MAP3K5: variants seen among roughly 807,000 people sequenced by gnomAD.
The protein encoded by MAP3K5 is ASK-1.
A neutral mutation model predicts 158.7 loss-of-function variants in MAP3K5; 56 were observed. The ratio of observed to expected loss-of-function variants is 0.35; its 90% CI spans 0.28 to 0.44. The LOEUF is 0.44. MAP3K5 is among the 20% of genes least tolerant of loss of function. The pLI is 1.00. For synonymous variants in MAP3K5, 579 were observed against 601.7 expected, an observed-to-expected ratio of 0.96 and a Z score of 0.55; for missense variants, 1,294 against 1,674.8, an observed-to-expected ratio of 0.77 and a Z score of 3.97.
chr6:136,736,613 A>G (rs1276429084), intron 1 of MAP3K5, among the ~76,000 whole-genome samples: 2 of 152,216 alleles, frequency 1.3e-5, no homozygotes, highest in African/African-American at 2.4e-5. Context: ...GACTATAATG[A>G]AAGAGTCTGG....
chr6:136,704,495 T>C (rs1434398101), intron 3 of MAP3K5, among the ~76,000 whole-genome samples: 1 of 152,196 alleles, frequency 6.6e-6, no homozygotes, highest in African/African-American at 2.4e-5. Flanking sequence ...TAGGCTGCTT[T>C]AGTGCCACTC....
At chr6:136,761,000 G>C (rs1289165358) in intron 1 of MAP3K5, among the ~76,000 whole-genome samples, 1 of 152,030 alleles carries the variant, frequency 6.6e-6, no homozygotes, top group Admixed American at 6.6e-5. Context: ...AAAAACCAGA[G>C]AGAAGCTCCA....
intron 10 of MAP3K5, among the ~76,000 whole-genome samples, chr6:136,654,955 T>C (rs937754214): frequency 4.6e-5 from 7 of 152,202 alleles, no homozygotes; most frequent in African/African-American, 1.4e-4. Context: ...TATAAGTCCT[T>C]TTCTTGCTTA....
At chr6:136,707,860 A>G (rs144353733) in intron 2 of MAP3K5, among the ~76,000 whole-genome samples, 2 of 152,262 alleles carry the variant, frequency 1.3e-5, no homozygotes, top group Non-Finnish European at 2.9e-5. Context: ...CATACACTGG[A>G]ATACATTACA....
Position 136,583,737 on chromosome 6 carries a change from C to T in MAP3K5, c.3229G>A (p.Ala1077Thr). The T allele has an allele frequency of 1.2e-6, 2 of 1,613,412 alleles. No homozygotes were observed. The highest frequency in any genetic ancestry group is 1.7e-6 in the Non-Finnish European group (2 of 1,179,552). Residue 1077 changes from alanine (A) to threonine (T), a missense_variant, in exon 24 of 30, where the codon GCT becomes ACT. Physicochemically the swap from Ala to Thr is moderately conservative, Grantham distance 58. This residue lies in a region of MAP3K5 where 362 missense variants were observed against 463.2 expected (regional missense o/e 0.78). Transcript: ENST00000359015. ...RNLMESLAQG[A>T]EEPKLKWEHI... ...TCCCATTTTAGTTTCGGTTCTTCAG[C>T]CCCCTGTGAATAAAAATCAACAATC...
chr6:136,567,600 A>G (rs754129648), intron 26 of MAP3K5, 31 bp downstream of exon 26: 1 of 1,572,610 alleles, frequency 6.4e-7, no homozygotes, highest in Non-Finnish European at 8.6e-7. Flanking sequence ...GTAAAAGAAA[A>G]GAAACCAACC....
chr6:136,622,497 T>C (rs1366000403), intron 15 of MAP3K5, among the ~76,000 whole-genome samples: 1 of 152,160 alleles, frequency 6.6e-6, no homozygotes, highest in Non-Finnish European at 1.5e-5. Context: ...AATGACAACT[T>C]CCAAGCTCCT....
At chr6:136,686,812 TAGGA>T (rs1189897083) in intron 7 of MAP3K5, among the ~76,000 whole-genome samples, 1 of 152,168 alleles carries the variant, frequency 6.6e-6, no homozygotes, top group Non-Finnish European at 1.5e-5. Context: ...TGCTCATGGA[TAGGA>T]AGGATCAATA....
intron 1 of MAP3K5, among the ~76,000 whole-genome samples, chr6:136,760,135 G>T (rs553271672): frequency 2.6e-5 from 4 of 152,188 alleles, no homozygotes; most frequent in Non-Finnish European, 5.9e-5. Flanking sequence ...TCATCTTGTG[G>T]AGAGTGATAG....
intron 7 of MAP3K5, among the ~76,000 whole-genome samples, chr6:136,687,230 G>A (rs1360691429): frequency 3.3e-5 from 5 of 152,154 alleles, no homozygotes; most frequent in African/African-American, 1.2e-4. Context: ...TATGCAGAAA[G>A]CTGAAACTGG....
intron 1 of MAP3K5, among the ~76,000 whole-genome samples, chr6:136,765,617 A>T (rs528638920): frequency 1.2e-3 from 187 of 151,710 alleles, no homozygotes; most frequent in African/African-American, 4.3e-3. Context: ...GGTTCAAGCA[A>T]ATCTCCTGCC....
chr6:136,675,797 T>TAAAGAAAATAGTGTCAA (rs1779679924), intron 7 of MAP3K5, among the ~76,000 whole-genome samples: 2 of 152,136 alleles, frequency 1.3e-5, no homozygotes, highest in South Asian at 2.1e-4. Flanking sequence ...AAACATGCAA[T>TAAAGAAAATAGTGTCAA]AAAGAAAATA....
chr6:136,737,020 CAT>C lies in MAP3K5; in HGVS notation c.449-16433_449-16432del, dbSNP rs1370116837. Among the ~76,000 whole-genome samples, 79 of 78,658 alleles carry C rather than the reference CAT, an allele frequency of 1.0e-3. 1 individual carries two copies. Among genetic ancestry groups the C allele is most frequent in the South Asian group, 2.3e-3 (6 of 2,600 alleles). 51.6% of individuals were successfully genotyped at this position (78,658 alleles called of 152,430 possible). ...TTTTTAATGTGACAAATTAATTTTA[CAT>C]ATATATATGTGTGTGTATATATATA... is the stretch of plus-strand genomic sequence containing the variant. On this transcript the variant is annotated intron_variant, in intron 1 of 29. Coordinates refer to ENST00000359015, the MANE Select transcript of MAP3K5 (RefSeq NM_005923.4).
intron 14 of MAP3K5, among the ~76,000 whole-genome samples, chr6:136,623,366 C>A (rs1776893706): frequency 6.6e-6 from 1 of 152,166 alleles, no homozygotes; most frequent in Non-Finnish European, 1.5e-5. Context: ...TGTTATTCAG[C>A]TTTTGATGCT....
intron 7 of MAP3K5, among the ~76,000 whole-genome samples, chr6:136,679,286 C>T (rs958031686): frequency 6.6e-6 from 1 of 152,172 alleles, no homozygotes; most frequent in Non-Finnish European, 1.5e-5. Context: ...AGGAAATATT[C>T]TTGGACTGAT....
intron 26 of MAP3K5, among the ~76,000 whole-genome samples, chr6:136,564,028 C>T (rs2129068855): frequency 6.6e-6 from 1 of 152,250 alleles, no homozygotes; most frequent in Admixed American, 6.5e-5. Flanking sequence ...TACCTAATGC[C>T]TCCAGGCTTC....
chr6:136,790,142 G>T (rs986693656), intron 1 of MAP3K5, among the ~76,000 whole-genome samples: 3 of 152,204 alleles, frequency 2.0e-5, no homozygotes, highest in African/African-American at 7.2e-5. Flanking sequence ...AGGATTCAAT[G>T]AAATACACTC....
At position 136,594,802 on chromosome 6, in the gene MAP3K5, T is replaced by TTGTTTG. The variant is rs539910093; in HGVS notation, c.2879-2189_2879-2188insCAAACA. 5.0e-3 allele frequency among the ~76,000 whole-genome samples: 747 copies of TTGTTTG among 150,134 alleles called. 4 individuals are homozygous for TTGTTTG. Among genetic ancestry groups the TTGTTTG allele is most frequent in the African/African-American group, 0.016 (654 of 40,968 alleles). ...GGATTCCTATCGTGTGTTTCCGTGT[T>TTGTTTG]TGTGTGTGTGTGTGTGTGTGGTAAA... is the stretch of plus-strand genomic sequence containing the variant. On this transcript the variant is annotated intron_variant, in intron 21 of 29. Coordinates refer to ENST00000359015, the MANE Select transcript of MAP3K5 (RefSeq NM_005923.4).
At chr6:136,755,987 T>C (rs1783461663) in intron 1 of MAP3K5, among the ~76,000 whole-genome samples, 1 of 151,846 alleles carries the variant, frequency 6.6e-6, no homozygotes, top group South Asian at 2.1e-4. Context: ...GTTCAGCAGA[T>C]TGATGGAAAA....
Sources: allele counts gnomAD v4.1 joint callset (sites outside exome capture counted in the v4.1 genomes callset), GRCh38; gene constraint gnomAD v4.1.1; regional missense constraint gnomAD v4.1.1; transcripts MANE v1.5; gene names NCBI Gene and HGNC (gene_info 2026-07-23, HGNC 2026-07-21).